BTRC: variants seen among roughly 807,000 people sequenced by gnomAD.
The protein encoded by BTRC is beta-transducin repeat containing E3 ubiquitin protein ligase.
BTRC carries 42 observed loss-of-function variants against 85.5 expected under a neutral mutation model. The ratio of observed to expected loss-of-function variants is 0.49; its 90% confidence interval spans 0.38 to 0.64. The LOEUF is 0.64. Ranked by LOEUF, BTRC falls within the 30% of genes least tolerant of loss-of-function variation. The probability of loss-of-function intolerance (pLI) is 0.00; values close to 1 mark genes in which losing one functional copy is unlikely to be tolerated. For missense variants in BTRC, 594 were observed against 743.5 expected (o/e 0.80, Z 2.34); for synonymous variants, 255 against 263.3 (o/e 0.97, Z 0.30).
intron 1 of BTRC, among the ~76,000 whole-genome samples, chr10:101,412,477 C>T (rs1473236924): frequency 6.6e-6 from 1 of 152,136 alleles, no homozygotes; most frequent in Non-Finnish European, 1.5e-5. Flanking sequence ...ATATTTTGTT[C>T]AGTTTCTTGA....
At chr10:101,357,679 A>G (rs563731919) in intron 1 of BTRC, among the ~76,000 whole-genome samples, 2 of 152,276 alleles carry the variant, frequency 1.3e-5, no homozygotes, top group South Asian at 4.1e-4. Context: ...TGAAATGGAT[A>G]CTCTCACAAA....
intron 1 of BTRC, among the ~76,000 whole-genome samples, chr10:101,380,766 A>ACTACAGTCATGCATTG (rs1217722175): frequency 6.6e-6 from 1 of 152,198 alleles, no homozygotes; most frequent in East Asian, 1.9e-4. Context: ...TCCTGTCTTA[A>ACTACAGTCATGCATTG]CTACAGTCAT....
chr10:101,366,800 A>T (rs1488927349), intron 1 of BTRC, among the ~76,000 whole-genome samples: 3 of 91,974 alleles, frequency 3.3e-5, no homozygotes, highest in Non-Finnish European at 5.8e-5. Context: ...TTTTACATTT[A>T]TATATATATT....
rs567954281 is a variant in BTRC, at chr10:101,393,233, T to C, written c.49-37112T>C. 3.9e-5 allele frequency among the ~76,000 whole-genome samples: 6 copies of C among 152,310 alleles called. No homozygotes were observed. In the South Asian group the frequency reaches 1.0e-3, roughly 26 times the overall value. The stretch of plus-strand genomic sequence containing the variant: ...CTGAGCCCCTTCGCCCATACCTTGT[T>C]CTATGGGTCTCTTCATTTGTATTCT... On this transcript the variant is annotated intron_variant, in intron 1 of 14. Transcript: ENST00000370187.
chr10:101,428,875 AGGCTGGATTTGAACTCCTG>A (rs1049079264), intron 1 of BTRC, among the ~76,000 whole-genome samples: 2 of 152,172 alleles, frequency 1.3e-5, no homozygotes, highest in Non-Finnish European at 2.9e-5. Flanking sequence ...TGTGCTGCCC[AGGCTGGATTTGAACTCCTG>A]GGCTCAAGCG....
chr10:101,393,563 A>G (rs542609602), intron 1 of BTRC, among the ~76,000 whole-genome samples: 2 of 152,376 alleles, frequency 1.3e-5, no homozygotes, highest in East Asian at 3.9e-4. Flanking sequence ...GTCAAAGTAC[A>G]TCACAAAAAT....
At chr10:101,535,562 T>A in intron 11 of BTRC, 90 bp downstream of exon 11, 2 of 901,902 alleles carry the variant, frequency 2.2e-6, no homozygotes, top group Non-Finnish European at 1.6e-6. Flanking sequence ...TCAATTTTGT[T>A]ATGTTTATAA....
At position 101,509,864 on chromosome 10, in the gene BTRC, C is replaced by CT. The variant is rs1554890582; in HGVS notation, c.325-11766dup. Among the ~76,000 whole-genome samples the CT allele has an allele frequency of 4.7e-5, 7 of 150,256 alleles. No homozygotes were observed. The East Asian group carries it at 5.9e-4, about 13-fold the overall frequency. On this transcript the variant is annotated intron_variant, in intron 4 of 14. Coordinates refer to ENST00000370187, the MANE Select transcript of BTRC (RefSeq NM_033637.4). Reference sequence around the variant, plus strand: ...GGCATGAGCCACCATGCCTGACTGGCTTTTTTTTTAAAGATGCTTTTGGCC... The same window carrying CT: ...GGCATGAGCCACCATGCCTGACTGGCTTTTTTTTTTAAAGATGCTTTTGGCC...
At chr10:101,388,076 T>G (rs1471065570) in intron 1 of BTRC, among the ~76,000 whole-genome samples, 1 of 152,184 alleles carries the variant, frequency 6.6e-6, no homozygotes, top group Non-Finnish European at 1.5e-5. Context: ...GGGATTCAGG[T>G]TAGTTGATTC....
intron 4 of BTRC, among the ~76,000 whole-genome samples, chr10:101,520,187 A>G (rs1299692093): frequency 1.3e-5 from 2 of 152,040 alleles, no homozygotes; most frequent in Middle Eastern, 3.4e-3. Flanking sequence ...CCTGTTGCCC[A>G]GGCTGGAGGG....
rs936738942 is a variant in BTRC at position 101,436,420 on chromosome 10, G to A, written c.156+5968G>A. On this transcript the variant is annotated intron_variant, in intron 2 of 14. Transcript: ENST00000370187. ...AGCACTTTGGAAGGCCAGGGCTGGC[G>A]GATCACATGAGCCCAGGAGTTCGAG... 7.9e-5 allele frequency among the ~76,000 whole-genome samples: 12 copies of A among 152,100 alleles called. No homozygotes were observed. In the South Asian group the frequency reaches 1.0e-3, roughly 13 times the overall value.
intron 4 of BTRC, among the ~76,000 whole-genome samples, chr10:101,512,191 C>G (rs1589575374): frequency 6.6e-6 from 1 of 152,132 alleles, no homozygotes; most frequent in Non-Finnish European, 1.5e-5. Context: ...AAATTGTTGT[C>G]CTGCCCCTCC....
intron 4 of BTRC, among the ~76,000 whole-genome samples, chr10:101,507,892 A>G (rs1434390582): frequency 1.3e-5 from 2 of 152,134 alleles, no homozygotes; most frequent in Non-Finnish European, 2.9e-5. Flanking sequence ...AGGTGGCACT[A>G]TCTACATCAG....
chr10:101,354,499 C>T (rs1291663445), intron 1 of BTRC: 2 of 483,026 alleles, frequency 4.1e-6, no homozygotes, highest in Admixed American at 4.2e-5. Flanking sequence ...AGGCGGCGCG[C>T]GGGGCCCTGG....
intron 4 of BTRC, among the ~76,000 whole-genome samples, chr10:101,505,915 C>G (rs1004244636): frequency 6.7e-6 from 1 of 150,350 alleles, no homozygotes; most frequent in Non-Finnish European, 1.5e-5. Flanking sequence ...TTCAGTTTTC[C>G]AATTTTTTTT....
At chr10:101,438,217 G>C (rs545749327) in intron 2 of BTRC, among the ~76,000 whole-genome samples, 48 of 151,986 alleles carry the variant, frequency 3.2e-4, no homozygotes, top group Non-Finnish European at 5.1e-4. Flanking sequence ...ACAAAGTCAG[G>C]AGATTGAGAC....
At chr10:101,368,785 G>A (rs1484834031) in intron 1 of BTRC, among the ~76,000 whole-genome samples, 1 of 152,120 alleles carries the variant, frequency 6.6e-6, no homozygotes, top group African/African-American at 2.4e-5. Context: ...TTGGGAGGCT[G>A]GGGCAGGTAG....
At chr10:101,421,616 C>T (rs1589446619) in intron 1 of BTRC, among the ~76,000 whole-genome samples, 1 of 99,690 alleles carries the variant, frequency 1.0e-5, no homozygotes. Context: ...TCCCTCCCCC[C>T]TCCCCCCTCC....
chr10:101,505,285 T>C (rs952645410), intron 4 of BTRC, among the ~76,000 whole-genome samples: 1 of 149,054 alleles, frequency 6.7e-6, no homozygotes, highest in Non-Finnish European at 1.5e-5. Flanking sequence ...ATTACAGGCA[T>C]GAGCCACCAT....
Sources: gnomAD v4.1 joint callset for allele counts (sites outside exome capture counted in the v4.1 genomes callset) on GRCh38, gnomAD v4.1.1 for gene constraint, MANE v1.5 for transcripts, NCBI Gene and HGNC (gene_info 2026-07-23, HGNC 2026-07-21) for gene names.